SERPINB8: variants seen among roughly 807,000 people sequenced by gnomAD.
SERPINB8 encodes serpin B8.
SERPINB8 carries 25 observed loss-of-function variants against 35.3 expected under a neutral mutation model. That is an observed-to-expected ratio of 0.71 (90% CI 0.52 to 0.99). SERPINB8 has a LOEUF of 0.99. SERPINB8 is among the 50% of genes least tolerant of loss of function. The pLI, the probability that SERPINB8 is intolerant of heterozygous loss-of-function variation, is 0.00. For missense variants in SERPINB8, 484 were observed against 446.5 expected (o/e 1.08, Z -0.76); for synonymous variants, 186 against 160.8 (o/e 1.16, Z -1.19).
chr18:64,012,784 A>T (rs2050931530), intron 7 of SERPINB8, among the ~76,000 whole-genome samples: 1 of 151,952 alleles, frequency 6.6e-6, no homozygotes. Flanking sequence ...GATAATTTTG[A>T]TTATTGAGGT....
downstream of SERPINB8, among the ~76,000 whole-genome samples, chr18:63,992,672 C>T (rs1053757834): frequency 2.6e-5 from 4 of 151,992 alleles, no homozygotes; most frequent in South Asian, 2.1e-4. Flanking sequence ...TTGATGTAAC[C>T]GACCACGATC....
intron 5 of SERPINB8, among the ~76,000 whole-genome samples, chr18:63,984,043 T>A (rs973788598): frequency 6.6e-6 from 1 of 152,096 alleles, no homozygotes; most frequent in Non-Finnish European, 1.5e-5. Flanking sequence ...GATAAGGTTT[T>A]GTCATATTGC....
intron 7 of SERPINB8, among the ~76,000 whole-genome samples, chr18:64,014,241 G>C (rs2050939309): frequency 6.6e-6 from 1 of 152,176 alleles, no homozygotes; most frequent in South Asian, 2.1e-4. Context: ...ATGTTGGACA[G>C]AATGTACCAG....
At chr18:64,002,119 C>T (rs1030064777) in intron 1 of SERPINB8, among the ~76,000 whole-genome samples, 1 of 152,108 alleles carries the variant, frequency 6.6e-6, no homozygotes, top group African/African-American at 2.4e-5. Flanking sequence ...CGATAGAGGA[C>T]GTAGCAGTGT....
chr18:64,014,779 G>A (rs1016787868), intron 7 of SERPINB8, among the ~76,000 whole-genome samples: 14 of 151,920 alleles, frequency 9.2e-5, no homozygotes, highest in Non-Finnish European at 1.0e-4. Context: ...GCTCCATGCC[G>A]TTTTTAAAAA....
At position 63,984,800 on chromosome 18, in the gene SERPINB8, T is replaced by C. The variant is rs545255621; in HGVS notation, c.568-293T>C. On this transcript the variant is annotated intron_variant, in intron 5 of 6. Transcript: ENST00000397985. ...GGAAGCTTCCATGAGAAAGCTTCTCTGTGAATGTTCTCAAAAAAGCAAACA... is the reference window on the plus strand; with the variant it reads ...GGAAGCTTCCATGAGAAAGCTTCTCCGTGAATGTTCTCAAAAAAGCAAACA... Among the ~76,000 whole-genome samples, 4 of 152,346 alleles carry C rather than the reference T, an allele frequency of 2.6e-5. No individual in the cohort carries two copies. In the East Asian group the frequency reaches 7.7e-4, roughly 29 times the overall value.
At chr18:64,010,051 C>T (rs1217613718), downstream of SERPINB8, among the ~76,000 whole-genome samples, 1 of 151,900 alleles carries the variant, frequency 6.6e-6, no homozygotes, top group Non-Finnish European at 1.5e-5. Flanking sequence ...AGATAATTAT[C>T]TTAAATATGA....
intron 1 of SERPINB8, among the ~76,000 whole-genome samples, chr18:63,975,155 A>G (rs944767990): frequency 6.6e-6 from 1 of 151,922 alleles, no homozygotes; most frequent in African/African-American, 2.4e-5. Flanking sequence ...ACCTAAGTTC[A>G]TGCTTGCTTC....
intron 1 of SERPINB8, among the ~76,000 whole-genome samples, chr18:64,002,191 G>A (rs186521711): frequency 2.2e-4 from 33 of 152,230 alleles, no homozygotes; most frequent in Admixed American, 1.9e-3. Flanking sequence ...TGCAGCCCAG[G>A]GACAGAACCA....
chr18:63,979,342 C>G (rs890132985), intron 2 of SERPINB8, among the ~76,000 whole-genome samples: 1 of 152,116 alleles, frequency 6.6e-6, no homozygotes, highest in African/African-American at 2.4e-5. Context: ...TTGTATTACC[C>G]GAGTTGTAAT....
intron 1 of SERPINB8, among the ~76,000 whole-genome samples, chr18:64,002,533 T>A (rs2050880380): frequency 6.6e-6 from 1 of 152,178 alleles, no homozygotes; most frequent in African/African-American, 2.4e-5. Context: ...CCCCTGGGTT[T>A]CGGCCTCCAG....
chr18:64,005,634 G>C (rs1393824227), exon 2 of SERPINB8: 4 of 152,174 alleles, frequency 2.6e-5, no homozygotes, highest in Non-Finnish European at 4.4e-5. Flanking sequence ...CTCTAAAATT[G>C]TACGAAATAA....
chr18:64,018,408 A>T (rs1354902667), intron 7 of SERPINB8, among the ~76,000 whole-genome samples: 2 of 152,212 alleles, frequency 1.3e-5, no homozygotes, highest in African/African-American at 4.8e-5. Context: ...AGTGAATTGG[A>T]ATGCTTAGAA....
chr18:63,987,083 G>A lies in SERPINB8; in HGVS notation c.930G>A (p.Leu310=). 6.2e-7 allele frequency: 1 copy of A among 1,614,200 alleles called. No individual in the cohort carries two copies. Among genetic ancestry groups the A allele is most frequent in the South Asian group, 1.1e-5 (1 of 91,084 alleles). The change falls in exon 7 of 7, where the codon CTG becomes CTA. Residue 310 remains leucine (L), a synonymous_variant. Transcript: ENST00000397985. ...SGMSTEKNVP[L]SKVAHKCFVE... is the part of the protein sequence containing the mutation. The stretch of plus-strand genomic sequence containing the variant: ...TGTCAACTGAGAAGAATGTGCCTCT[G>A]TCCAAGGTTGCCCACAAGTGCTTCG...
intron 7 of SERPINB8, among the ~76,000 whole-genome samples, chr18:64,014,381 G>A (rs541876193): frequency 1.3e-5 from 2 of 152,266 alleles, no homozygotes; most frequent in African/African-American, 2.4e-5. Context: ...TTTTGAACCT[G>A]TTACAATTGA....
In SERPINB8 at chr18:63,978,506, A is replaced by T. The variant is rs1293871493; in HGVS notation, c.168+30A>T. ...GTGTGCTTGTCACAAAGGAAGGAGA[A>T]CAGTGTGTTTCCCTTGTGCTTCCAT... On this transcript the variant is annotated intron_variant, in intron 2 of 6. Coordinates refer to ENST00000397985, the MANE Select transcript of SERPINB8 (RefSeq NM_002640.4). 5.6e-6 allele frequency: 9 copies of T among 1,611,252 alleles called. 1 individual carries two copies. The highest frequency in any genetic ancestry group is 7.6e-6 in the Non-Finnish European group (9 of 1,178,030).
At chr18:64,005,358 C>T (rs1055929557) in exon 2 of SERPINB8, 1 of 152,284 alleles carries the variant, frequency 6.6e-6, no homozygotes, top group East Asian at 1.9e-4. Flanking sequence ...GTCCTATAAC[C>T]TGAATGCCGT....
downstream of SERPINB8, among the ~76,000 whole-genome samples, chr18:64,006,071 A>T (rs746665541): frequency 1.6e-4 from 24 of 152,200 alleles, no homozygotes; most frequent in Non-Finnish European, 2.5e-4. Flanking sequence ...TTTTAAAAAG[A>T]TTTACATGTC....
At chr18:64,002,250 G>C (rs2050879098) in intron 1 of SERPINB8, among the ~76,000 whole-genome samples, 1 of 152,176 alleles carries the variant, frequency 6.6e-6, no homozygotes, top group African/African-American at 2.4e-5. Context: ...AAAGAGCTTA[G>C]GTGTCAGGAG....
Sources: gnomAD v4.1 joint callset for allele counts (sites outside exome capture counted in the v4.1 genomes callset) on GRCh38, gnomAD v4.1.1 for gene constraint, MANE v1.5 for transcripts, NCBI Gene and HGNC (gene_info 2026-07-23, HGNC 2026-07-21) for gene names.